RASAL2: variants seen among roughly 807,000 people sequenced by gnomAD.
RASAL2 encodes RAS protein activator like 2, also known as ras GTPase-activating protein nGAP.
In RASAL2, 58 loss-of-function variants were observed where a neutral mutation model predicts 128.9. That is an observed-to-expected ratio of 0.45 (90% CI 0.36 to 0.56). RASAL2 has a LOEUF of 0.56. RASAL2 is among the 20% of genes least tolerant of loss of function. The pLI, the probability that RASAL2 is intolerant of heterozygous loss-of-function variation, is 0.00. For missense variants in RASAL2, 1,360 were observed against 1,601.6 expected (o/e 0.85, Z 2.57); for synonymous variants, 561 against 580.8 (o/e 0.97, Z 0.49).
intron 1 of RASAL2, among the ~76,000 whole-genome samples, chr1:178,252,151 G>A (rs1381206165): frequency 2.0e-5 from 3 of 152,070 alleles, no homozygotes; most frequent in African/African-American, 7.2e-5. Flanking sequence ...GATTATGATT[G>A]AGCCTGAATG....
chr1:178,366,519 T>C (rs1403767946), intron 3 of RASAL2, among the ~76,000 whole-genome samples: 1 of 151,604 alleles, frequency 6.6e-6, no homozygotes, highest in Non-Finnish European at 1.5e-5. Flanking sequence ...GAAAATGTGG[T>C]GATTGTAAAA....
intron 3 of RASAL2, among the ~76,000 whole-genome samples, chr1:178,374,276 A>G (rs563577866): frequency 3.9e-5 from 6 of 152,240 alleles, no homozygotes; most frequent in Admixed American, 1.3e-4. Context: ...TGTAATTACC[A>G]TTAGTGACAA....
intron 1 of RASAL2, among the ~76,000 whole-genome samples, chr1:178,102,084 A>G (rs1475084863): frequency 1.3e-5 from 2 of 151,668 alleles, no homozygotes; most frequent in East Asian, 3.9e-4. Flanking sequence ...CTGTGATTGG[A>G]AGTGATGTCT....
At chr1:178,146,137 G>A (rs528325753) in intron 1 of RASAL2, among the ~76,000 whole-genome samples, 1 of 152,320 alleles carries the variant, frequency 6.6e-6, no homozygotes, top group South Asian at 2.1e-4. Context: ...TTTTCCATTA[G>A]CAAGGTGTCT....
intron 13 of RASAL2, among the ~76,000 whole-genome samples, chr1:178,457,177 T>G (rs2102907300): frequency 6.6e-6 from 1 of 152,380 alleles, no homozygotes; most frequent in East Asian, 1.9e-4. Flanking sequence ...TTTATGAAAT[T>G]CATGTTTCTG....
chr1:178,136,199 A>G (rs921652523), intron 1 of RASAL2, among the ~76,000 whole-genome samples: 3 of 152,152 alleles, frequency 2.0e-5, no homozygotes, highest in Non-Finnish European at 4.4e-5. Context: ...GTAGCTCTGT[A>G]TTTAATTAAG....
intron 1 of RASAL2, among the ~76,000 whole-genome samples, chr1:178,203,231 C>T (rs1662933959): frequency 6.6e-6 from 1 of 152,190 alleles, no homozygotes; most frequent in African/African-American, 2.4e-5. Context: ...TTGCCTCTGA[C>T]CAAGGCACTC....
chr1:178,275,022 T>G (rs895370953), intron 1 of RASAL2, among the ~76,000 whole-genome samples: 7 of 152,254 alleles, frequency 4.6e-5, no homozygotes, highest in Admixed American at 6.5e-5. Context: ...TTAAGAGGTT[T>G]AGTATGAACT....
Position 178,166,120 on chromosome 1 carries a change from G to A in RASAL2, c.202+71426G>A, listed in dbSNP as rs573040053. Among the ~76,000 whole-genome samples the A allele has an allele frequency of 2.6e-5, 4 of 152,216 alleles. No homozygotes were observed. In the South Asian group the frequency reaches 8.3e-4, roughly 32 times the overall value. On this transcript the variant is annotated intron_variant, in intron 1 of 17. Transcript: ENST00000367649. Reference sequence around the variant, plus strand: ...GTTTCCGGCTTCCTGAAAGTAAAACGAGACCTGTCCCTTGTGCTATAAATA... The same window carrying A: ...GTTTCCGGCTTCCTGAAAGTAAAACAAGACCTGTCCCTTGTGCTATAAATA...
At chr1:178,378,449 G>A (rs987122989) in intron 3 of RASAL2, among the ~76,000 whole-genome samples, 1 of 152,032 alleles carries the variant, frequency 6.6e-6, no homozygotes, top group Non-Finnish European at 1.5e-5. Flanking sequence ...AATGCAGTAA[G>A]CTTGATTTAA....
chr1:178,250,025 A>T (rs1167584708), intron 1 of RASAL2, among the ~76,000 whole-genome samples: 1 of 152,112 alleles, frequency 6.6e-6, no homozygotes, highest in East Asian at 1.9e-4. Context: ...CCCACTCAGG[A>T]GGCTTGGCGG....
intron 1 of RASAL2, among the ~76,000 whole-genome samples, chr1:178,141,072 C>T (rs538838507): frequency 6.6e-6 from 1 of 152,068 alleles, no homozygotes; most frequent in Non-Finnish European, 1.5e-5. Context: ...GAACTCAGAG[C>T]GAGAGCTCAC....
At position 178,130,882 on chromosome 1, in the gene RASAL2, G is replaced by A. The variant is rs549406051; in HGVS notation, c.202+36188G>A. On this transcript the variant is annotated intron_variant, in intron 1 of 17. Coordinates refer to ENST00000367649, the MANE Select transcript of RASAL2 (RefSeq NM_170692.4). ...ATCCTGGCTAACACAGTGAAACCCC[G>A]TCTCTACTAAAAATACAAAAAATTA... 3.1e-3 allele frequency among the ~76,000 whole-genome samples: 469 copies of A among 152,024 alleles called. 1 individual carries two copies. The highest frequency in any genetic ancestry group is 5.0e-3 in the Non-Finnish European group (340 of 67,978).
intron 1 of RASAL2, among the ~76,000 whole-genome samples, chr1:178,180,538 G>A (rs999729786): frequency 1.4e-5 from 2 of 147,538 alleles, no homozygotes; most frequent in African/African-American, 5.0e-5. Context: ...GTATGATGGC[G>A]CGCCTATAGT....
chr1:178,384,799 G>GA (rs1191150035), intron 3 of RASAL2, among the ~76,000 whole-genome samples: 2 of 150,822 alleles, frequency 1.3e-5, no homozygotes, highest in African/African-American at 4.9e-5. Flanking sequence ...TCTTTTAAAA[G>GA]AAAAAAAATT....
At chr1:178,470,837 C>T in intron 17 of RASAL2, 1 of 827,776 alleles carries the variant, frequency 1.2e-6, no homozygotes. Flanking sequence ...TCCTTCCTGT[C>T]AGGTGTGGAC....
intron 3 of RASAL2, among the ~76,000 whole-genome samples, chr1:178,328,958 G>A (rs1341428941): frequency 3.3e-5 from 5 of 152,090 alleles, no homozygotes; most frequent in South Asian, 4.2e-4. Context: ...TCAGAGCCCC[G>A]CAGAGTGATT....
intron 1 of RASAL2, among the ~76,000 whole-genome samples, chr1:178,130,118 G>A (rs1660047845): frequency 6.6e-6 from 1 of 152,144 alleles, no homozygotes; most frequent in Non-Finnish European, 1.5e-5. Flanking sequence ...CAGCAGGGCA[G>A]TTTATAAAAC....
intron 3 of RASAL2, among the ~76,000 whole-genome samples, chr1:178,341,792 C>G (rs1669896680): frequency 6.6e-6 from 1 of 152,100 alleles, no homozygotes. Context: ...TGTTAGCATT[C>G]CAGTACAAAA....
Sources: gnomAD v4.1 joint callset for allele counts (sites outside exome capture counted in the v4.1 genomes callset) on GRCh38, gnomAD v4.1.1 for gene constraint, MANE v1.5 for transcripts, NCBI Gene and HGNC (gene_info 2026-07-23, HGNC 2026-07-21) for gene names.